SLC44A5: variants seen among roughly 807,000 people sequenced by gnomAD.
The protein encoded by SLC44A5 is choline transporter-like protein 5.
In SLC44A5, 57 loss-of-function variants were observed where a neutral mutation model predicts 101.8. That is an observed-to-expected ratio of 0.56 (90% CI 0.45 to 0.70). SLC44A5 has a LOEUF of 0.70. Among genes scored for constraint, SLC44A5 ranks in the 30% least tolerant of loss-of-function variants. The pLI, the probability that SLC44A5 is intolerant of heterozygous loss-of-function variation, is 0.00. For synonymous variants in SLC44A5, 281 were observed against 290.9 expected (o/e 0.97, Z 0.35); for missense variants, 737 against 853.1 (o/e 0.86, Z 1.70).
chr1:75,690,368 T>C, the SLC44A5 span, among the ~76,000 whole-genome samples: 1 of 152,100 alleles, frequency 6.6e-6, no homozygotes, highest in Non-Finnish European at 1.5e-5. Context: ...ACTGCCCCCA[T>C]GATCCACCAG....
chr1:75,255,778 G>A (rs911434976), intron 6 of SLC44A5, among the ~76,000 whole-genome samples: 11 of 152,184 alleles, frequency 7.2e-5, no homozygotes, highest in Admixed American at 2.0e-4. Context: ...TTTCTAAAAG[G>A]AAAATACTTA....
chr1:75,203,808 AC>A lies in SLC44A5; in HGVS notation c.2072del (p.Gly691ValfsTer9). On this transcript the variant is annotated frameshift_variant, in exon 24 of 24. Transcript: ENST00000370859. LOFTEE classifies it low-confidence loss of function (END_TRUNC). ...TCACATAATAAGGTCTTGCAGTAGA[AC>A]CATCATTTCTTTCTAAATCTTCCAC... ...CFLEDLERND[G>X]STARPYYVSQ... 6.5e-7 allele frequency: 1 copy of A among 1,549,226 alleles called. No homozygotes were observed. Among genetic ancestry groups the A allele is most frequent in the East Asian group, 2.5e-5 (1 of 40,752 alleles).
intron 6 of SLC44A5, among the ~76,000 whole-genome samples, chr1:75,257,073 G>A (rs796193565): frequency 6.6e-5 from 10 of 152,270 alleles, no homozygotes; most frequent in African/African-American, 2.4e-4. Flanking sequence ...AAGTGTGGGT[G>A]AAAAGTCCTA....
At chr1:75,477,141 C>A (rs545734569) in intron 2 of SLC44A5, among the ~76,000 whole-genome samples, 3 of 152,350 alleles carry the variant, frequency 2.0e-5, no homozygotes, top group Non-Finnish European at 4.4e-5. Context: ...CCCAGGCAAA[C>A]AGGGTCTGGA....
chr1:75,592,716 A>G (rs1674419699), intron 1 of SLC44A5, among the ~76,000 whole-genome samples: 2 of 152,114 alleles, frequency 1.3e-5, no homozygotes, highest in African/African-American at 4.8e-5. Flanking sequence ...CTCATTTTCA[A>G]CAAAGGTGCA....
chr1:75,502,315 A>C (rs894795350), intron 2 of SLC44A5, among the ~76,000 whole-genome samples: 3 of 152,188 alleles, frequency 2.0e-5, no homozygotes, highest in African/African-American at 7.2e-5. Context: ...AGAGGAGGGC[A>C]CAGATTTAGC....
the SLC44A5 span, among the ~76,000 whole-genome samples, chr1:75,682,303 C>A: frequency 1.3e-5 from 2 of 152,116 alleles, no homozygotes; most frequent in African/African-American, 4.8e-5. Context: ...CCAAGTCAAT[C>A]CTCAGCCAAA....
chr1:75,306,733 CTTTT>C (rs771955227), intron 4 of SLC44A5, among the ~76,000 whole-genome samples: 1 of 102,586 alleles, frequency 9.7e-6, no homozygotes, highest in East Asian at 3.6e-4. Flanking sequence ...GGTTTCCTTT[CTTTT>C]TTTTTTTTTT....
chr1:75,578,538 A>G (rs2102061231), intron 1 of SLC44A5, among the ~76,000 whole-genome samples: 1 of 152,310 alleles, frequency 6.6e-6, no homozygotes, highest in Non-Finnish European at 1.5e-5. Flanking sequence ...CCCAGCATAG[A>G]AAAACAAATA....
intron 13 of SLC44A5, among the ~76,000 whole-genome samples, chr1:75,226,319 G>C (rs1273939697): frequency 6.6e-6 from 1 of 152,024 alleles, no homozygotes; most frequent in Non-Finnish European, 1.5e-5. Flanking sequence ...TGCTCAGCTA[G>C]GTCATCAAGG....
intron 3 of SLC44A5, among the ~76,000 whole-genome samples, chr1:75,339,962 C>T (rs1049584674): frequency 2.0e-5 from 3 of 152,076 alleles, no homozygotes; most frequent in Non-Finnish European, 4.4e-5. Flanking sequence ...ACAATTTTAC[C>T]ATCTTCCATC....
chr1:75,423,205 A>G lies in SLC44A5; in HGVS notation c.14-26584T>C, dbSNP rs146537696. 2.6e-4 allele frequency among the ~76,000 whole-genome samples: 39 copies of G among 152,318 alleles called. 1 individual carries two copies. Among genetic ancestry groups the G allele is most frequent in the African/African-American group, 7.0e-4 (29 of 41,566 alleles). On this transcript the variant is annotated intron_variant, in intron 2 of 23. Transcript: ENST00000370859. ...ATACCTATAGCAATTTCTCACACAT[A>G]TGGCAATTTCATACATACACCGTGA...
chr1:75,398,354 C>A lies in SLC44A5; in HGVS notation c.14-1733G>T, dbSNP rs1662260668. ...CAGCTATATAAACTAGTAAATTTCA[C>A]CTGCAGACCCAGTCCCATTTGGAAT... On this transcript the variant is annotated intron_variant, in intron 2 of 23. Coordinates refer to ENST00000370859, the MANE Select transcript of SLC44A5 (RefSeq NM_001130058.2). 5 of 985,110 alleles carry A rather than the reference C, an allele frequency of 5.1e-6. No homozygotes were observed. In the South Asian group the frequency reaches 2.3e-4, roughly 46 times the overall value. The allele number at this position is 985,110 out of a possible 1,614,324, so 61.0% of individuals were successfully genotyped here.
chr1:75,473,004 A>T (rs935127097), intron 2 of SLC44A5, among the ~76,000 whole-genome samples: 1 of 152,168 alleles, frequency 6.6e-6, no homozygotes, highest in East Asian at 1.9e-4. Flanking sequence ...AAACTGTTTT[A>T]TGTTGCTAGT....
intron 4 of SLC44A5, among the ~76,000 whole-genome samples, chr1:75,301,968 T>C (rs867321856): frequency 1.3e-5 from 2 of 152,312 alleles, no homozygotes; most frequent in Middle Eastern, 3.4e-3. Flanking sequence ...GGATCTTTCA[T>C]AGAGAAAGTT....
intron 3 of SLC44A5, among the ~76,000 whole-genome samples, chr1:75,373,109 A>G (rs1660337921): frequency 6.6e-6 from 1 of 152,236 alleles, no homozygotes; most frequent in East Asian, 1.9e-4. Context: ...AAGTGTCAGA[A>G]TCAAGAAAAA....
intron 6 of SLC44A5, among the ~76,000 whole-genome samples, chr1:75,261,868 C>T (rs952834118): frequency 6.6e-6 from 1 of 150,802 alleles, no homozygotes; most frequent in Admixed American, 6.7e-5. Context: ...TGTAATCCAT[C>T]GCATAACAAC....
At chr1:75,359,023 C>A (rs1659286565) in intron 3 of SLC44A5, among the ~76,000 whole-genome samples, 1 of 151,830 alleles carries the variant, frequency 6.6e-6, no homozygotes, top group South Asian at 2.1e-4. Flanking sequence ...CTGGTAACTA[C>A]CATTCTACTC....
rs58913392 is a variant in SLC44A5 at position 75,536,443 on chromosome 1, C to CAA, written c.13+4990_13+4991dup. Among the ~76,000 whole-genome samples, 36 of 149,750 alleles carry CAA rather than the reference C, an allele frequency of 2.4e-4. 1 individual carries two copies. Among genetic ancestry groups the CAA allele is most frequent in the Non-Finnish European group, 2.8e-4 (19 of 67,358 alleles). On this transcript the variant is annotated intron_variant, in intron 2 of 23. Coordinates refer to ENST00000370859, the MANE Select transcript of SLC44A5 (RefSeq NM_001130058.2). ...TGAAACCCCGTCTCTACTAAAAATA[C>CAA]AAAAAAAATTGGCTGGGCATGGTGG...
Sources: allele counts gnomAD v4.1 joint callset (sites outside exome capture counted in the v4.1 genomes callset), GRCh38; gene constraint gnomAD v4.1.1; transcripts MANE v1.5; gene names NCBI Gene and HGNC (gene_info 2026-07-23, HGNC 2026-07-21).